PRKCA: variants seen among roughly 807,000 people sequenced by gnomAD.
PRKCA encodes the protein protein kinase C alpha, also known as protein kinase C alpha type.
Under a neutral mutation model 87.0 loss-of-function variants are expected in PRKCA, and 27 were observed. The ratio of observed to expected loss-of-function variants is 0.31; its 90% confidence interval spans 0.23 to 0.43. PRKCA has a LOEUF of 0.43. Ranked by LOEUF, PRKCA falls within the 20% of genes least tolerant of loss-of-function variation. The pLI is 1.00. For missense variants in PRKCA, 518 were observed against 852.3 expected, an observed-to-expected ratio of 0.61 and a Z score of 4.88; for synonymous variants, 329 against 311.1, an observed-to-expected ratio of 1.06 and a Z score of -0.61.
chr17:66,471,176 T>C (rs1436342825), intron 2 of PRKCA, among the ~76,000 whole-genome samples: 1 of 152,216 alleles, frequency 6.6e-6, no homozygotes, highest in Non-Finnish European at 1.5e-5. Flanking sequence ...AATTTTGTTC[T>C]ATAAGTAGCA....
chr17:66,317,196 G>T (rs962542031), intron 2 of PRKCA, among the ~76,000 whole-genome samples: 5 of 151,834 alleles, frequency 3.3e-5, no homozygotes, highest in Admixed American at 6.6e-5. Flanking sequence ...GTCAACTGAT[G>T]TATTCAGTCA....
At chr17:66,478,605 G>A (rs1189585246) in intron 2 of PRKCA, among the ~76,000 whole-genome samples, 1 of 152,036 alleles carries the variant, frequency 6.6e-6, no homozygotes, top group Non-Finnish European at 1.5e-5. Flanking sequence ...TTAGGATCTT[G>A]CATTGCAATA....
intron 13 of PRKCA, among the ~76,000 whole-genome samples, chr17:66,760,303 A>G (rs1388685243): frequency 1.3e-5 from 2 of 152,266 alleles, no homozygotes; most frequent in Non-Finnish European, 2.9e-5. Flanking sequence ...CCTTCTAAAT[A>G]GTGTGGGTCT....
intron 2 of PRKCA, among the ~76,000 whole-genome samples, chr17:66,387,863 C>T (rs1430773937): frequency 6.6e-6 from 1 of 152,188 alleles, no homozygotes; most frequent in Non-Finnish European, 1.5e-5. Flanking sequence ...TTAGACCTGC[C>T]AGATTCCTAC....
chr17:66,562,890 C>T (rs1968760574), intron 3 of PRKCA, among the ~76,000 whole-genome samples: 1 of 152,158 alleles, frequency 6.6e-6, no homozygotes, highest in African/African-American at 2.4e-5. Context: ...AACACTGTGC[C>T]TGGCCAGCTT....
intron 5 of PRKCA, among the ~76,000 whole-genome samples, chr17:66,676,188 A>G (rs920963882): frequency 8.5e-5 from 13 of 152,162 alleles, no homozygotes; most frequent in African/African-American, 3.1e-4. Context: ...TAGAGACGCA[A>G]ACAAACCCTG....
At chr17:66,545,527 A>G (rs547612123) in intron 3 of PRKCA, among the ~76,000 whole-genome samples, 1 of 152,266 alleles carries the variant, frequency 6.6e-6, no homozygotes, top group Admixed American at 6.5e-5. Flanking sequence ...CCTACATCAC[A>G]TCATGCATTC....
chr17:66,425,339 G>A (rs139232921), intron 2 of PRKCA, among the ~76,000 whole-genome samples: 43 of 151,850 alleles, frequency 2.8e-4, no homozygotes, highest in African/African-American at 1.0e-3. Flanking sequence ...AGATTTGATC[G>A]CACTGCTCAG....
chr17:66,465,633 G>C (rs1915051952), intron 2 of PRKCA, among the ~76,000 whole-genome samples: 1 of 151,680 alleles, frequency 6.6e-6, no homozygotes, highest in Non-Finnish European at 1.5e-5. Flanking sequence ...TCCTGAGCTT[G>C]AGCAGTCCTC....
intron 5 of PRKCA, among the ~76,000 whole-genome samples, chr17:66,673,571 A>G (rs181952886): frequency 3.7e-4 from 56 of 152,364 alleles, no homozygotes; most frequent in Admixed American, 2.8e-3. Context: ...CATTATTTCT[A>G]AACATGAAAG....
At chr17:66,495,096 G>T (rs145472073) in intron 2 of PRKCA, among the ~76,000 whole-genome samples, 2,017 of 98,030 alleles carry the variant, frequency 0.021, 18 homozygotes, top group Non-Finnish European at 0.03. Flanking sequence ...AGTGAGACCC[G>T]GTCTCAAAAA....
chr17:66,519,626 C>T (rs964205726), intron 3 of PRKCA, among the ~76,000 whole-genome samples: 8 of 152,124 alleles, frequency 5.3e-5, no homozygotes, highest in South Asian at 2.1e-4. Context: ...GATCTTGAAG[C>T]GCCTGGTGCT....
intron 2 of PRKCA, among the ~76,000 whole-genome samples, chr17:66,410,205 A>G (rs988535382): frequency 8.0e-5 from 4 of 49,884 alleles, no homozygotes; most frequent in Non-Finnish European, 1.6e-4. Context: ...ATACCAACAG[A>G]GATTTTTTTT....
chr17:66,470,058 A>G (rs1474266133), intron 2 of PRKCA, among the ~76,000 whole-genome samples: 1 of 151,306 alleles, frequency 6.6e-6, no homozygotes, highest in African/African-American at 2.4e-5. Flanking sequence ...TTTTTTTTTT[A>G]GTGGGAAAAT....
rs533604158 is a variant in PRKCA at position 66,707,868 on chromosome 17, G to C, written c.918+18821G>C. ...GGCCACAAGTCAGTTCTTTGTCCACGTAGCAGTATCTCCAGCTCTTGAGAT... is the reference window on the plus strand; with the variant it reads ...GGCCACAAGTCAGTTCTTTGTCCACCTAGCAGTATCTCCAGCTCTTGAGAT... On this transcript the variant is annotated intron_variant, in intron 8 of 16. Coordinates refer to ENST00000413366, the MANE Select transcript of PRKCA (RefSeq NM_002737.3). Among the ~76,000 whole-genome samples the C allele has an allele frequency of 1.8e-3, 271 of 152,288 alleles. 1 individual carries two copies. Among genetic ancestry groups the C allele is most frequent in the African/African-American group, 6.3e-3 (262 of 41,558 alleles).
At chr17:66,470,479 C>G (rs936883546) in intron 2 of PRKCA, among the ~76,000 whole-genome samples, 2 of 151,926 alleles carry the variant, frequency 1.3e-5, no homozygotes, top group Non-Finnish European at 2.9e-5. Context: ...CCACCCGCCT[C>G]GGCCTCCCAA....
At chr17:66,312,602 G>A (rs1302945262) in intron 2 of PRKCA, among the ~76,000 whole-genome samples, 1 of 152,086 alleles carries the variant, frequency 6.6e-6, no homozygotes, top group African/African-American at 2.4e-5. Flanking sequence ...CCCAGAAAGT[G>A]CTTGTTTCAA....
At chr17:66,618,091 A>G (rs1970563104) in intron 3 of PRKCA, among the ~76,000 whole-genome samples, 1 of 152,164 alleles carries the variant, frequency 6.6e-6, no homozygotes, top group East Asian at 1.9e-4. Context: ...GCAGTGGCTC[A>G]CACCTGTAAT....
chr17:66,622,218 A>G (rs1311725653), intron 3 of PRKCA, among the ~76,000 whole-genome samples: 1 of 152,234 alleles, frequency 6.6e-6, no homozygotes, highest in Non-Finnish European at 1.5e-5. Context: ...GTTGACTAAC[A>G]GTCATAATAA....
Sources: allele counts gnomAD v4.1 joint callset (sites outside exome capture counted in the v4.1 genomes callset), GRCh38; gene constraint gnomAD v4.1.1; transcripts MANE v1.5; gene names NCBI Gene and HGNC (gene_info 2026-07-23, HGNC 2026-07-21).